Variants in SSPN observed in about 807,000 individuals in gnomAD.
SSPN encodes the protein K-ras oncogene-associated protein.
SSPN carries 15 observed loss-of-function variants against 19.1 expected under a neutral mutation model. The observed-to-expected ratio is 0.78, with a 90% CI of 0.52 to 1.21. SSPN has a LOEUF of 1.21. Among genes scored for constraint, SSPN ranks in the 50% most tolerant of loss-of-function variants. SSPN has a pLI of 0.00. For synonymous variants in SSPN, 147 were observed against 140.3 expected, an observed-to-expected ratio of 1.05 and a Z score of -0.34; for missense variants, 291 against 314.0, an observed-to-expected ratio of 0.93 and a Z score of 0.55.
chr12:26,176,744 A>G (rs766075185), intron 1 of SSPN, among the ~76,000 whole-genome samples: 73 of 152,198 alleles, frequency 4.8e-4, no homozygotes, highest in Non-Finnish European at 8.1e-4. Flanking sequence ...CAGTTGCTGA[A>G]GTCAGATAGA....
At chr12:26,216,748 T>C (rs1945055384) in intron 1 of SSPN, among the ~76,000 whole-genome samples, 1 of 125,648 alleles carries the variant, frequency 8.0e-6, no homozygotes, top group African/African-American at 3.1e-5. Flanking sequence ...AATTGATTTT[T>C]GTATAAGGTG....
At chr12:26,133,391 G>T (rs904737777) in intron 1 of SSPN, among the ~76,000 whole-genome samples, 13 of 151,944 alleles carry the variant, frequency 8.6e-5, no homozygotes, top group African/African-American at 3.1e-4. Context: ...CATCCTAACT[G>T]CCCACACTCC....
chr12:26,143,425 T>C (rs189392608), intron 1 of SSPN, among the ~76,000 whole-genome samples: 7 of 152,302 alleles, frequency 4.6e-5, no homozygotes, highest in Admixed American at 4.6e-4. Context: ...ATTTCACAGA[T>C]GGAAGATAGG....
At chr12:26,208,018 T>TTG (rs1555180104) in intron 1 of SSPN, among the ~76,000 whole-genome samples, 1 of 134,796 alleles carries the variant, frequency 7.4e-6, no homozygotes, top group Non-Finnish European at 1.6e-5. Flanking sequence ...GTGGTGGTGG[T>TTG]GGGGGGGGGG....
intron 1 of SSPN, among the ~76,000 whole-genome samples, chr12:26,149,039 A>G (rs1944509666): frequency 6.6e-6 from 1 of 152,234 alleles, no homozygotes; most frequent in African/African-American, 2.4e-5. Context: ...CTTGGATTTT[A>G]AAGTAATGGT....
intron 1 of SSPN, among the ~76,000 whole-genome samples, chr12:26,187,178 T>A (rs900380660): frequency 2.0e-5 from 3 of 152,234 alleles, no homozygotes; most frequent in Admixed American, 2.0e-4. Context: ...TGCCCAACCC[T>A]TAACCCCAGG....
chr12:26,124,163 G>A, intron 1 of SSPN: 1 of 1,606,266 alleles, frequency 6.2e-7, no homozygotes, highest in South Asian at 1.1e-5. Flanking sequence ...TAATCTGTGC[G>A]GTAATTTGTA....
At chr12:26,195,332 C>CCGCACTCGCACACGCG, upstream of SSPN, 1 of 271,140 alleles carries the variant, frequency 3.7e-6, no homozygotes, top group South Asian at 1.6e-4. Context: ...AACAGACGCC[C>CCGCACTCGCACACGCG]CGCACTCGCA....
intron 1 of SSPN, chr12:26,123,565 G>A: frequency 2.6e-6 from 3 of 1,149,688 alleles, no homozygotes; most frequent in Admixed American, 1.7e-5. Context: ...AGGGAGTCCT[G>A]ACACTGCTCC....
At chr12:26,192,761 A>G (rs1944797119), upstream of SSPN, among the ~76,000 whole-genome samples, 2 of 152,208 alleles carry the variant, frequency 1.3e-5, no homozygotes, top group Non-Finnish European at 2.9e-5. Context: ...GATGTTGTTC[A>G]TTTACATTGC....
chr12:26,213,923 T>C (rs1325616682), intron 1 of SSPN, among the ~76,000 whole-genome samples: 2 of 152,156 alleles, frequency 1.3e-5, no homozygotes, highest in Non-Finnish European at 1.5e-5. Context: ...TTCTTTTCAC[T>C]GTAGTATCTC....
At chr12:26,212,091 A>G (rs1944993770) in intron 1 of SSPN, among the ~76,000 whole-genome samples, 1 of 152,202 alleles carries the variant, frequency 6.6e-6, no homozygotes, top group Non-Finnish European at 1.5e-5. Flanking sequence ...TGTTTTTACA[A>G]TGTGTTTTCC....
chr12:26,227,435 A>G (rs1389489844), intron 2 of SSPN, among the ~76,000 whole-genome samples: 2 of 152,188 alleles, frequency 1.3e-5, no homozygotes, highest in Admixed American at 6.5e-5. Flanking sequence ...GCTAAGGGGC[A>G]TGGTTTTTCT....
rs573315772 is a variant in SSPN, at chr12:26,178,717, T to C, written c.-30-45576T>C. ...AGACACAAGAAGCTTGGATATGCCC[T>C]TGTGGTCACAGCATCTTCTAAATGG... On this transcript the variant is annotated intron_variant, in intron 1 of 2. Transcript: ENST00000538142. Among the ~76,000 whole-genome samples, 5 of 152,312 alleles carry C rather than the reference T, an allele frequency of 3.3e-5. No homozygotes were observed. The South Asian group carries it at 8.3e-4, about 25-fold the overall frequency.
intron 1 of SSPN, among the ~76,000 whole-genome samples, chr12:26,174,616 G>A (rs1944673419): frequency 6.6e-6 from 1 of 151,908 alleles, no homozygotes; most frequent in Non-Finnish European, 1.5e-5. Context: ...CGCCTCCCAG[G>A]TTCAACTGAT....
chr12:26,122,729 G>A (rs755328426), intron 1 of SSPN: 126 of 1,590,956 alleles, frequency 7.9e-5, no homozygotes, highest in Non-Finnish European at 1.0e-4. Flanking sequence ...TGATGGTGAC[G>A]CGGCTCGCCC....
intron 1 of SSPN, among the ~76,000 whole-genome samples, chr12:26,184,580 T>C (rs1944740069): frequency 6.6e-6 from 1 of 152,154 alleles, no homozygotes; most frequent in African/African-American, 2.4e-5. Context: ...TTTTTGGATG[T>C]TGGAGGAAAG....
chr12:26,196,640 G>C (rs187706770), intron 1 of SSPN, among the ~76,000 whole-genome samples: 4 of 152,270 alleles, frequency 2.6e-5, no homozygotes, highest in Admixed American at 2.6e-4. Flanking sequence ...AGCATACTTG[G>C]CTTGATTAAA....
At chr12:26,122,512 C>T in intron 1 of SSPN, 1 of 1,291,704 alleles carries the variant, frequency 7.7e-7, no homozygotes, top group Non-Finnish European at 9.9e-7. Flanking sequence ...GGGAAGGGCG[C>T]GCCTCCGCCT....
Sources: allele counts gnomAD v4.1 joint callset (sites outside exome capture counted in the v4.1 genomes callset), GRCh38; gene constraint gnomAD v4.1.1; transcripts MANE v1.5; gene names NCBI Gene and HGNC (gene_info 2026-07-23, HGNC 2026-07-21).